CIMIP6: variants seen among roughly 807,000 people sequenced by gnomAD.
CIMIP6 encodes the protein uncharacterized protein C2orf73.
At chr2:54,331,758 G>A in the CIMIP6 span, among the ~76,000 whole-genome samples, 1 of 151,878 alleles carries the variant, frequency 6.6e-6, no homozygotes, top group Admixed American at 6.6e-5. Context: ...TGATTCTGAT[G>A]TACCTTAAAT....
chr2:54,353,049 G>T, the CIMIP6 span, among the ~76,000 whole-genome samples: 4 of 152,136 alleles, frequency 2.6e-5, no homozygotes, highest in Admixed American at 6.5e-5. Context: ...TTTGCTTTAC[G>T]CAGTTCACTT....
chr2:54,362,831 G>A, the CIMIP6 span, among the ~76,000 whole-genome samples: 1 of 152,208 alleles, frequency 6.6e-6, no homozygotes, highest in East Asian at 1.9e-4. Context: ...ACAGGCATGA[G>A]CCACTGTGCA....
At chr2:54,352,908 G>A in the CIMIP6 span, among the ~76,000 whole-genome samples, 2 of 152,088 alleles carry the variant, frequency 1.3e-5, no homozygotes, top group African/African-American at 4.8e-5. Flanking sequence ...CAGAACCTAT[G>A]GATAGAGAGC....
At chr2:54,343,774 G>A in the CIMIP6 span, 15 of 1,612,368 alleles carry the variant, frequency 9.3e-6, no homozygotes, top group East Asian at 8.9e-5. Flanking sequence ...ACCACCTTAC[G>A]ACTCTAAGAG....
the CIMIP6 span, among the ~76,000 whole-genome samples, chr2:54,356,155 A>G: frequency 6.6e-6 from 1 of 151,980 alleles, no homozygotes; most frequent in African/African-American, 2.4e-5. Context: ...AAAAAAAAAA[A>G]AAAAAGGCAT....
chr2:54,377,427 T>A, the CIMIP6 span, among the ~76,000 whole-genome samples: 2 of 152,020 alleles, frequency 1.3e-5, no homozygotes, highest in Non-Finnish European at 2.9e-5. Flanking sequence ...ATTTTTAACA[T>A]AATTTTATTT....
At chr2:54,366,186 A>G in the CIMIP6 span, among the ~76,000 whole-genome samples, 1 of 152,202 alleles carries the variant, frequency 6.6e-6, no homozygotes, top group African/African-American at 2.4e-5. Flanking sequence ...CTGGGATATA[A>G]CCAGAGCAGC....
At chr2:54,342,210 G>A in the CIMIP6 span, among the ~76,000 whole-genome samples, 1 of 152,136 alleles carries the variant, frequency 6.6e-6, no homozygotes, top group Non-Finnish European at 1.5e-5. Flanking sequence ...TCAGGGCTTA[G>A]TTCTTTGGTA....
chr2:54,361,521 GA>G, the CIMIP6 span: 1 of 152,134 alleles, frequency 6.6e-6, no homozygotes, highest in Non-Finnish European at 1.5e-5. Flanking sequence ...GTATTGATAA[GA>G]CTACAGCTAT....
the CIMIP6 span, among the ~76,000 whole-genome samples, chr2:54,345,715 C>T: frequency 1.3e-5 from 2 of 152,170 alleles, no homozygotes; most frequent in Non-Finnish European, 2.9e-5. Flanking sequence ...TAGTACTCTA[C>T]ACAACCTCTA....
chr2:54,350,195 A>G, the CIMIP6 span, among the ~76,000 whole-genome samples: 132,809 of 152,012 alleles, frequency 0.87, 58,163 homozygotes, highest in Admixed American at 0.9. Context: ...GAGATTATGG[A>G]AGGTTTTAGA....
At chr2:54,343,825 G>T in the CIMIP6 span, 1 of 1,612,002 alleles carries the variant, frequency 6.2e-7, no homozygotes, top group Non-Finnish European at 8.5e-7. Flanking sequence ...GTGTCCACTG[G>T]TTTTGCCAGT....
chr2:54,331,140 C>G, the CIMIP6 span: 6 of 760,254 alleles, frequency 7.9e-6, no homozygotes, highest in Non-Finnish European at 1.1e-5. Flanking sequence ...GTTGGCTGAG[C>G]GCTTACAACA....
chr2:54,337,124 C>T, the CIMIP6 span, among the ~76,000 whole-genome samples: 2 of 152,208 alleles, frequency 1.3e-5, no homozygotes, highest in East Asian at 3.8e-4. Flanking sequence ...GTGCCAGTGT[C>T]AGCCTCCTCC....
the CIMIP6 span, chr2:54,330,932 G>A: frequency 1.0e-4 from 168 of 1,606,362 alleles, no homozygotes; most frequent in African/African-American, 1.9e-3. Flanking sequence ...CTGCGTCCCT[G>A]TTCTTCCCAG....
chr2:54,343,037 C>T, the CIMIP6 span, among the ~76,000 whole-genome samples: 4 of 152,198 alleles, frequency 2.6e-5, no homozygotes, highest in Non-Finnish European at 5.9e-5. Flanking sequence ...GGTTTTAGTA[C>T]CAAAATTCAG....
the CIMIP6 span, among the ~76,000 whole-genome samples, chr2:54,346,067 C>T: frequency 5.4e-5 from 8 of 148,790 alleles, no homozygotes; most frequent in Middle Eastern, 0.024. Flanking sequence ...ATTACACCCA[C>T]TGAGAAGGAA....
the CIMIP6 span, among the ~76,000 whole-genome samples, chr2:54,356,909 G>A: frequency 6.6e-6 from 1 of 152,022 alleles, no homozygotes. Context: ...GTCTATACAC[G>A]AAGTTATGAA....
At chr2:54,367,601 C>G in the CIMIP6 span, among the ~76,000 whole-genome samples, 1 of 152,004 alleles carries the variant, frequency 6.6e-6, no homozygotes, top group Admixed American at 6.6e-5. Flanking sequence ...TTGCTATTCT[C>G]TAAGGAACAT....
Sources: allele counts gnomAD v4.1 joint callset (sites outside exome capture counted in the v4.1 genomes callset), GRCh38; gene constraint gnomAD v4.1.1; transcripts MANE v1.5; gene names NCBI Gene and HGNC (gene_info 2026-07-23, HGNC 2026-07-21).